The following SCAPER variants were observed in gnomAD, a reference collection of about 807,000 sequenced individuals.
SCAPER encodes the protein S phase cyclin A-associated protein in the endoplasmic reticulum.
SCAPER carries 98 observed loss-of-function variants against 182.2 expected under a neutral mutation model. The ratio of observed to expected loss-of-function variants is 0.54; its 90% CI spans 0.46 to 0.64. The LOEUF is 0.64. Among genes scored for constraint, SCAPER ranks in the 30% least tolerant of loss-of-function variants. The pLI, the probability that SCAPER is intolerant of heterozygous loss-of-function variation, is 0.00. For missense variants in SCAPER, 1,432 were observed against 1,690.0 expected, an observed-to-expected ratio of 0.85 and a Z score of 2.68; for synonymous variants, 605 against 564.6, an observed-to-expected ratio of 1.07 and a Z score of -1.01.
At chr15:76,767,130 C>G in intron 10 of SCAPER, 42 bp from the exon 11 acceptor site, 1 of 1,488,948 alleles carries the variant, frequency 6.7e-7, no homozygotes, top group Non-Finnish European at 9.0e-7. Context: ...AAAATGATCA[C>G]TTGACTGGAA....
At chr15:76,883,981 CA>C (rs1027588097) in intron 1 of SCAPER, 105 bp from the exon 2 acceptor site, 21 of 582,256 alleles carry the variant, frequency 3.6e-5, no homozygotes, top group Non-Finnish European at 4.0e-5. Flanking sequence ...TAAACAACAA[CA>C]AAAAAAACTG....
intron 23 of SCAPER, among the ~76,000 whole-genome samples, chr15:76,568,993 TATAAC>T (rs1383896388): frequency 4.6e-5 from 7 of 152,104 alleles, no homozygotes; most frequent in African/African-American, 1.4e-4. Flanking sequence ...ATTTTCTATA[TATAAC>T]ATATCATTTG....
chr15:76,615,853 A>C (rs1340607362), intron 22 of SCAPER, among the ~76,000 whole-genome samples: 1 of 151,796 alleles, frequency 6.6e-6, no homozygotes, highest in Non-Finnish European at 1.5e-5. Flanking sequence ...ACAAATGTCC[A>C]AAAAGCACAC....
At chr15:76,810,991 G>C (rs752771127) in intron 5 of SCAPER, among the ~76,000 whole-genome samples, 6 of 151,932 alleles carry the variant, frequency 3.9e-5, no homozygotes, top group Non-Finnish European at 5.9e-5. Flanking sequence ...ACAATTTTAA[G>C]TATATTTGCA....
rs183258419 is a variant in SCAPER, at chr15:76,821,087, C to T, written c.394-16454G>A. 3.1e-3 allele frequency among the ~76,000 whole-genome samples: 479 copies of T among 152,260 alleles called. 4 individuals are homozygous for T. The highest frequency in any genetic ancestry group is 0.011 in the African/African-American group (451 of 41,556). On this transcript the variant is annotated intron_variant, in intron 5 of 31. Coordinates refer to ENST00000563290, the MANE Select transcript of SCAPER (RefSeq NM_020843.4). ...TGTGGCAGTTTCTTACAAAACTAAACGTTCTCTTACCATGTGATCCAGCAA... is the reference window on the plus strand; with the variant it reads ...TGTGGCAGTTTCTTACAAAACTAAATGTTCTCTTACCATGTGATCCAGCAA...
At chr15:76,379,409 G>C (rs1010018095) in intron 28 of SCAPER, among the ~76,000 whole-genome samples, 1 of 152,172 alleles carries the variant, frequency 6.6e-6, no homozygotes, top group African/African-American at 2.4e-5. Context: ...CATTCCAAAT[G>C]AGAGCCAGGG....
At chr15:76,805,806 A>G (rs1397631503) in intron 5 of SCAPER, among the ~76,000 whole-genome samples, 2 of 152,006 alleles carry the variant, frequency 1.3e-5, no homozygotes, top group Non-Finnish European at 2.9e-5. Context: ...TGACCTCGTG[A>G]TCCACCTGCT....
intron 29 of SCAPER, among the ~76,000 whole-genome samples, chr15:76,355,843 T>G (rs1294819768): frequency 1.3e-5 from 2 of 152,218 alleles, no homozygotes; most frequent in African/African-American, 4.8e-5. Flanking sequence ...AGCTGCCGTT[T>G]ACAGAGCGAG....
At chr15:76,536,516 G>A (rs984835598) in intron 23 of SCAPER, among the ~76,000 whole-genome samples, 1 of 152,168 alleles carries the variant, frequency 6.6e-6, no homozygotes, top group African/African-American at 2.4e-5. Flanking sequence ...TATTACAAAA[G>A]TGTTACAAGA....
At chr15:76,568,116 T>C (rs184296384) in intron 23 of SCAPER, among the ~76,000 whole-genome samples, 2 of 151,584 alleles carry the variant, frequency 1.3e-5, no homozygotes, top group African/African-American at 4.9e-5. Flanking sequence ...TAGAGCACAC[T>C]TTCCCACAAC....
intron 22 of SCAPER, among the ~76,000 whole-genome samples, chr15:76,596,642 A>T (rs1195390381): frequency 8.2e-6 from 1 of 121,884 alleles, no homozygotes. Flanking sequence ...CATCCCTGGG[A>T]TGCAAGGCTG....
intron 22 of SCAPER, among the ~76,000 whole-genome samples, chr15:76,606,886 C>A (rs923845684): frequency 4.6e-5 from 7 of 152,098 alleles, no homozygotes; most frequent in Non-Finnish European, 1.0e-4. Flanking sequence ...TTCTTCCATC[C>A]CTTTATTTTG....
chr15:76,714,740 A>C (rs1345029235), intron 17 of SCAPER, among the ~76,000 whole-genome samples: 1 of 152,300 alleles, frequency 6.6e-6, no homozygotes, highest in South Asian at 2.1e-4. Context: ...TGTTTTTAAA[A>C]ATATATGGCT....
At chr15:76,373,533 G>A (rs2042332784) in intron 29 of SCAPER, among the ~76,000 whole-genome samples, 1 of 152,220 alleles carries the variant, frequency 6.6e-6, no homozygotes, top group African/African-American at 2.4e-5. Context: ...GGTCCACAGA[G>A]AGGACAGAGC....
intron 1 of SCAPER, among the ~76,000 whole-genome samples, chr15:76,901,884 T>C (rs2074810208): frequency 6.6e-6 from 1 of 152,162 alleles, no homozygotes; most frequent in Non-Finnish European, 1.5e-5. Flanking sequence ...CACCTCCAGC[T>C]AATTTTTTGT....
chr15:76,421,306 C>T (rs369982176), intron 26 of SCAPER, among the ~76,000 whole-genome samples: 81 of 152,214 alleles, frequency 5.3e-4, no homozygotes, highest in South Asian at 6.2e-4. Flanking sequence ...TTTTAATGAT[C>T]GCCATTCTAA....
intron 14 of SCAPER, among the ~76,000 whole-genome samples, chr15:76,764,056 C>T (rs1199519103): frequency 6.6e-6 from 1 of 152,054 alleles, no homozygotes; most frequent in African/African-American, 2.4e-5. Context: ...GCTGTCTATG[C>T]ACTTAAAGAA....
intron 25 of SCAPER, among the ~76,000 whole-genome samples, chr15:76,448,509 G>T (rs1434724921): frequency 6.6e-6 from 1 of 152,140 alleles, no homozygotes; most frequent in African/African-American, 2.4e-5. Flanking sequence ...AGGGTTTGAA[G>T]ATGCTGACTT....
intron 5 of SCAPER, among the ~76,000 whole-genome samples, chr15:76,810,112 G>T (rs1204128491): frequency 6.6e-6 from 1 of 152,022 alleles, no homozygotes; most frequent in Non-Finnish European, 1.5e-5. Context: ...TAAAAAAGTT[G>T]TTCACATTGA....
Sources: gnomAD v4.1 joint callset for allele counts (sites outside exome capture counted in the v4.1 genomes callset) on GRCh38, gnomAD v4.1.1 for gene constraint, MANE v1.5 for transcripts, NCBI Gene and HGNC (gene_info 2026-07-23, HGNC 2026-07-21) for gene names.